Variants in CDH13 observed in about 807,000 individuals in gnomAD.
CDH13 encodes the protein cadherin-13.
CDH13 carries 24 observed loss-of-function variants against 63.8 expected under a neutral mutation model. That is an observed-to-expected ratio of 0.38 (90% CI 0.27 to 0.53). The LOEUF (loss-of-function observed/expected upper bound fraction) is 0.53. Among genes scored for constraint, CDH13 ranks in the 20% least tolerant of loss-of-function variants. The pLI is 0.85. For synonymous variants in CDH13, 503 were observed against 355.3 expected, an observed-to-expected ratio of 1.42 and a Z score of -4.67; for missense variants, 1,049 against 903.1, an observed-to-expected ratio of 1.16 and a Z score of -2.07.
intron 2 of CDH13, among the ~76,000 whole-genome samples, chr16:82,919,387 G>A (rs1333561499): frequency 6.6e-6 from 1 of 152,058 alleles, no homozygotes; most frequent in Non-Finnish European, 1.5e-5. Context: ...ATAGGTCCCA[G>A]TGTCTGTTGT....
chr16:82,926,450 C>G (rs2042306648), intron 2 of CDH13, among the ~76,000 whole-genome samples: 1 of 152,208 alleles, frequency 6.6e-6, no homozygotes, highest in Admixed American at 6.5e-5. Flanking sequence ...TTGCCCTGAA[C>G]AATTCTCAGC....
chr16:82,990,828 A>T (rs1360662707), intron 2 of CDH13, among the ~76,000 whole-genome samples: 1 of 152,220 alleles, frequency 6.6e-6, no homozygotes, highest in Non-Finnish European at 1.5e-5. Context: ...GGTGTGAGCC[A>T]CTGTGCCCCA....
intron 2 of CDH13, among the ~76,000 whole-genome samples, chr16:82,866,575 A>G (rs183809253): frequency 1.3e-5 from 2 of 151,788 alleles, no homozygotes; most frequent in Non-Finnish European, 2.9e-5. Context: ...GTTTTAGTAC[A>G]AAGAGGGTTT....
intron 4 of CDH13, among the ~76,000 whole-genome samples, chr16:83,169,281 A>G (rs999058715): frequency 6.6e-6 from 1 of 151,674 alleles, no homozygotes; most frequent in Admixed American, 6.6e-5. Context: ...GGTTCAAGCG[A>G]TTCTCCTGTC....
intron 4 of CDH13, among the ~76,000 whole-genome samples, chr16:83,179,008 AC>A (rs1451984451): frequency 6.6e-6 from 1 of 152,236 alleles, no homozygotes; most frequent in African/African-American, 2.4e-5. Flanking sequence ...ATATTTTTAC[AC>A]AACTATTTGT....
chr16:83,195,033 C>G (rs994709134), intron 4 of CDH13, among the ~76,000 whole-genome samples: 1 of 152,168 alleles, frequency 6.6e-6, no homozygotes, highest in Non-Finnish European at 1.5e-5. Context: ...AACATTCTTT[C>G]TCTTTGTTTG....
rs533591694 is a variant in CDH13 at position 82,664,215 on chromosome 16, A to G, written c.45+37078A>G. Among the ~76,000 whole-genome samples the G allele has an allele frequency of 3.9e-5, 6 of 152,362 alleles. No individual in the cohort carries two copies. In the East Asian group the frequency reaches 1.2e-3, roughly 29 times the overall value. Reference sequence around the variant, plus strand: ...CTTACTTTTCACTAAATTGTGCTGCAAAGCAACGTGCCATTGCCTGTTCTT... The same window carrying G: ...CTTACTTTTCACTAAATTGTGCTGCGAAGCAACGTGCCATTGCCTGTTCTT... On this transcript the variant is annotated intron_variant, in intron 1 of 13. Coordinates refer to ENST00000567109, the MANE Select transcript of CDH13 (RefSeq NM_001257.5).
At chr16:82,755,735 G>A (rs1003613428) in intron 1 of CDH13, among the ~76,000 whole-genome samples, 3 of 152,186 alleles carry the variant, frequency 2.0e-5, no homozygotes, top group African/African-American at 7.2e-5. Context: ...ACCAAAACAA[G>A]AACTAAACTA....
intron 1 of CDH13, among the ~76,000 whole-genome samples, chr16:82,655,859 T>C (rs974336494): frequency 6.6e-6 from 1 of 152,082 alleles, no homozygotes; most frequent in Non-Finnish European, 1.5e-5. Flanking sequence ...AAGCAATGCC[T>C]TCGGGTCATG....
rs538528845 is a variant in CDH13, at chr16:83,288,757, T to C, written c.637-56105T>C. ...TTCATAAAGCACAAGTGGACATGTC[T>C]TTATTTCTCTGCAAAACGAGCCGCT... On this transcript the variant is annotated intron_variant, in intron 5 of 13. Coordinates refer to ENST00000567109, the MANE Select transcript of CDH13 (RefSeq NM_001257.5). Among the ~76,000 whole-genome samples the C allele has an allele frequency of 2.6e-5, 4 of 152,372 alleles. No individual in the cohort carries two copies. In the South Asian group the frequency reaches 8.3e-4, roughly 32 times the overall value.
At chr16:82,922,646 C>G (rs1434071967) in intron 2 of CDH13, among the ~76,000 whole-genome samples, 1 of 152,136 alleles carries the variant, frequency 6.6e-6, no homozygotes, top group African/African-American at 2.4e-5. Context: ...GAGAAAAGCT[C>G]ACAGAGAAGA....
At chr16:83,721,899 TG>T (rs1909745962) in intron 10 of CDH13, 6 of 152,170 alleles carry the variant, frequency 3.9e-5, no homozygotes, top group Admixed American at 3.3e-4. Flanking sequence ...CTAGGGACCG[TG>T]GGGAAACCCA....
At chr16:83,128,332 A>C (rs891944518) in intron 4 of CDH13, among the ~76,000 whole-genome samples, 21 of 152,182 alleles carry the variant, frequency 1.4e-4, no homozygotes, top group Non-Finnish European at 2.8e-4. Flanking sequence ...GCTTGCTAGA[A>C]ATGCATATTT....
At chr16:83,257,398 A>C (rs535895750) in intron 5 of CDH13, among the ~76,000 whole-genome samples, 1 of 152,254 alleles carries the variant, frequency 6.6e-6, no homozygotes, top group Admixed American at 6.5e-5. Context: ...CAAAGGCCAA[A>C]GTTCATGGAT....
chr16:83,053,423 T>C (rs1441882349), intron 3 of CDH13, among the ~76,000 whole-genome samples: 1 of 152,112 alleles, frequency 6.6e-6, no homozygotes, highest in Admixed American at 6.5e-5. Flanking sequence ...CACATTAGGA[T>C]AATGCAGATA....
intron 9 of CDH13, among the ~76,000 whole-genome samples, chr16:83,677,797 G>A (rs886952458): frequency 6.6e-5 from 10 of 152,060 alleles, no homozygotes; most frequent in African/African-American, 9.7e-5. Context: ...TCGGGGGTAC[G>A]GAGTTACAGG....
intron 1 of CDH13, among the ~76,000 whole-genome samples, chr16:82,747,203 G>A (rs2034214349): frequency 6.6e-6 from 1 of 152,182 alleles, no homozygotes; most frequent in African/African-American, 2.4e-5. Context: ...AGAAAAAACT[G>A]TGGTCCGTAG....
chr16:83,108,113 G>T (rs551183460), intron 3 of CDH13, among the ~76,000 whole-genome samples: 1 of 152,038 alleles, frequency 6.6e-6, no homozygotes, highest in African/African-American at 2.4e-5. Flanking sequence ...GAGCCACCGC[G>T]CCCAGCCCCT....
chr16:83,338,124 C>T (rs1436706217), intron 5 of CDH13, among the ~76,000 whole-genome samples: 5 of 140,966 alleles, frequency 3.5e-5, no homozygotes, highest in African/African-American at 1.3e-4. Flanking sequence ...CCAAATGAGA[C>T]AGTGCAAAAA....
Sources: gnomAD v4.1 joint callset for allele counts (sites outside exome capture counted in the v4.1 genomes callset) on GRCh38, gnomAD v4.1.1 for gene constraint, MANE v1.5 for transcripts, NCBI Gene and HGNC (gene_info 2026-07-23, HGNC 2026-07-21) for gene names.